The following ATRNL1 variants were observed in gnomAD, a reference collection of about 807,000 sequenced individuals.
ATRNL1 encodes attractin-like protein 1.
A neutral mutation model predicts 182.7 loss-of-function variants in ATRNL1; 95 were observed. The ratio of observed to expected loss-of-function variants is 0.52; its 90% confidence interval spans 0.44 to 0.62. ATRNL1 has a LOEUF of 0.62. Ranked by LOEUF, ATRNL1 falls within the 20% of genes least tolerant of loss-of-function variation. The pLI, the probability that ATRNL1 is intolerant of heterozygous loss-of-function variation, is 0.00. For synonymous variants in ATRNL1, 576 were observed against 568.3 expected, an observed-to-expected ratio of 1.01 and a Z score of -0.19; for missense variants, 1,471 against 1,679.5, an observed-to-expected ratio of 0.88 and a Z score of 2.17.
intron 28 of ATRNL1, among the ~76,000 whole-genome samples, chr10:115,902,845 CT>C (rs1247840883): frequency 2.4e-4 from 37 of 152,166 alleles, no homozygotes; most frequent in Non-Finnish European, 2.9e-5. Context: ...CAGTGGAGTC[CT>C]GTGAGACCTG....
chr10:115,545,056 A>G (rs1852569293), intron 25 of ATRNL1, among the ~76,000 whole-genome samples: 1 of 152,040 alleles, frequency 6.6e-6, no homozygotes, highest in Non-Finnish European at 1.5e-5. Context: ...CTATATAAGG[A>G]TAATAATGCC....
intron 20 of ATRNL1, among the ~76,000 whole-genome samples, chr10:115,420,915 A>G (rs558368928): frequency 6.6e-6 from 1 of 152,300 alleles, no homozygotes; most frequent in South Asian, 2.1e-4. Flanking sequence ...GACTATAATG[A>G]GCAATGATAG....
chr10:115,377,237 G>A (rs782142812), intron 19 of ATRNL1, among the ~76,000 whole-genome samples: 1 of 152,014 alleles, frequency 6.6e-6, no homozygotes, highest in Non-Finnish European at 1.5e-5. Context: ...ACTGAATCAC[G>A]ACGGCAGTTT....
At chr10:115,354,349 T>C (rs1451994689) in intron 19 of ATRNL1, among the ~76,000 whole-genome samples, 1 of 152,206 alleles carries the variant, frequency 6.6e-6, no homozygotes. Context: ...AGCATTTTTT[T>C]TTGTAAAATC....
chr10:115,915,167 G>C (rs1952807123), intron 28 of ATRNL1, among the ~76,000 whole-genome samples: 1 of 152,168 alleles, frequency 6.6e-6, no homozygotes, highest in African/African-American at 2.4e-5. Flanking sequence ...GGAGGCCGAG[G>C]CAGGCGGATC....
chr10:115,272,769 C>T (rs2133900942), intron 13 of ATRNL1, among the ~76,000 whole-genome samples: 1 of 152,250 alleles, frequency 6.6e-6, no homozygotes, highest in East Asian at 1.9e-4. Flanking sequence ...TCATCAAAAG[C>T]CCATTCCACT....
At chr10:115,885,498 T>C (rs1415187096) in intron 28 of ATRNL1, among the ~76,000 whole-genome samples, 1 of 152,248 alleles carries the variant, frequency 6.6e-6, no homozygotes, top group Non-Finnish European at 1.5e-5. Flanking sequence ...TTTTGTCAGA[T>C]GCTTTGTGCA....
intron 26 of ATRNL1, among the ~76,000 whole-genome samples, chr10:115,718,095 GC>G (rs1947313052): frequency 6.6e-6 from 1 of 152,134 alleles, no homozygotes; most frequent in Non-Finnish European, 1.5e-5. Context: ...AATCTATATG[GC>G]TGATTTCCCA....
intron 26 of ATRNL1, among the ~76,000 whole-genome samples, chr10:115,552,808 T>C (rs1038015342): frequency 6.6e-6 from 1 of 151,278 alleles, no homozygotes. Context: ...AACAAATTTC[T>C]GTGGTGTTAA....
chr10:115,244,462 G>A (rs553697642), intron 10 of ATRNL1, among the ~76,000 whole-genome samples: 5 of 152,104 alleles, frequency 3.3e-5, no homozygotes, highest in South Asian at 4.2e-4. Flanking sequence ...AATAACTTAC[G>A]TAATCAGATT....
chr10:115,738,125 G>GTTTTTTTTTTTTTTTTTTTTTTTTTTT (rs1565334914), intron 27 of ATRNL1, among the ~76,000 whole-genome samples: 1 of 53,148 alleles, frequency 1.9e-5, no homozygotes. Context: ...AGAAGATAAT[G>GTTTTTTTTTTTTTTTTTTTTTTTTTTT]ATTTTTTTTT....
intron 1 of ATRNL1, among the ~76,000 whole-genome samples, chr10:115,115,781 T>A (rs1331518979): frequency 1.3e-5 from 2 of 152,080 alleles, no homozygotes; most frequent in Non-Finnish European, 2.9e-5. Flanking sequence ...TCACACTTTC[T>A]TATTTTTATA....
intron 27 of ATRNL1, among the ~76,000 whole-genome samples, chr10:115,807,390 T>C (rs1949946432): frequency 6.6e-6 from 1 of 152,122 alleles, no homozygotes; most frequent in African/African-American, 2.4e-5. Context: ...GCTGGGATTA[T>C]AGGTGTGAGC....
intron 26 of ATRNL1, among the ~76,000 whole-genome samples, chr10:115,616,737 A>G (rs1592953178): frequency 1.3e-5 from 2 of 152,364 alleles, no homozygotes; most frequent in East Asian, 3.9e-4. Flanking sequence ...GGTGCAAGCC[A>G]TAAGCCTTGG....
At chr10:115,932,769 A>G (rs1953441486) in intron 28 of ATRNL1, among the ~76,000 whole-genome samples, 1 of 152,230 alleles carries the variant, frequency 6.6e-6, no homozygotes, top group Non-Finnish European at 1.5e-5. Context: ...TCACTTTGAA[A>G]AATACAAAAA....
chr10:115,093,580 C>A lies in ATRNL1; in HGVS notation c.-171C>A. On this transcript the variant is annotated 5_prime_UTR_variant, in exon 1 of 29. Transcript: ENST00000355044. The surrounding 1 kb of genome is among the most constrained non-coding windows in gnomAD (Gnocchi z 6.1). ...GCGACTGGAGGCAGCCGAGCGGAGG[C>A]GACGGCGGTTGGGATCTGTCCCTCC... is the stretch of plus-strand genomic sequence containing the variant. 2.6e-6 allele frequency: 2 copies of A among 763,778 alleles called. No homozygotes were observed. Among genetic ancestry groups the A allele is most frequent in the Non-Finnish European group, 4.4e-6 (2 of 452,150 alleles). 47.3% of individuals were successfully genotyped at this position (763,778 alleles called of 1,614,324 possible).
chr10:115,864,128 A>G (rs931180501), intron 28 of ATRNL1, among the ~76,000 whole-genome samples: 1 of 152,296 alleles, frequency 6.6e-6, no homozygotes, highest in South Asian at 2.1e-4. Context: ...CCATGGTGGC[A>G]TGTGCCTATA....
intron 28 of ATRNL1, among the ~76,000 whole-genome samples, chr10:115,925,809 A>G (rs1173499290): frequency 6.6e-6 from 1 of 152,122 alleles, no homozygotes; most frequent in Non-Finnish European, 1.5e-5. Flanking sequence ...CCCACACAAT[A>G]ATAGTAGGAG....
chr10:115,669,937 C>G (rs1214892006), intron 26 of ATRNL1, among the ~76,000 whole-genome samples: 1 of 152,054 alleles, frequency 6.6e-6, no homozygotes, highest in Non-Finnish European at 1.5e-5. Context: ...TCTCCAATTT[C>G]ATAACTTGTC....
Sources: allele counts gnomAD v4.1 joint callset (sites outside exome capture counted in the v4.1 genomes callset), GRCh38; gene constraint gnomAD v4.1.1; non-coding constraint Gnocchi (gnomAD v3.1); transcripts MANE v1.5; gene names NCBI Gene and HGNC (gene_info 2026-07-23, HGNC 2026-07-21).